ERI1: variants seen among roughly 807,000 people sequenced by gnomAD.
The protein encoded by ERI1 is exoribonuclease 1, also known as 3'-5' exoribonuclease 1.
Under a neutral mutation model 39.7 loss-of-function variants are expected in ERI1, and 39 were observed. The ratio of observed to expected loss-of-function variants is 0.98; its 90% CI spans 0.76 to 1.28. The LOEUF is 1.28. ERI1 is among the 50% of genes most tolerant of loss of function. The pLI, the probability that ERI1 is intolerant of heterozygous loss-of-function variation, is 0.00. For missense variants in ERI1, 581 were observed against 416.9 expected (o/e 1.39, Z -3.43); for synonymous variants, 204 against 149.6 (o/e 1.36, Z -2.65).
At chr8:9,062,516 G>T (rs1319725927) in intron 3 of ERI1, among the ~76,000 whole-genome samples, 1 of 148,044 alleles carries the variant, frequency 6.8e-6, no homozygotes, top group Non-Finnish European at 1.5e-5. Flanking sequence ...TTAGAAGCCT[G>T]GCTGTCAATA....
intron 2 of ERI1, 125 bp downstream of exon 2, chr8:9,008,273 C>G: frequency 2.4e-6 from 2 of 832,572 alleles, no homozygotes; most frequent in Non-Finnish European, 3.5e-6. Flanking sequence ...ATTAACAGTT[C>G]ACAAAAACTA....
intron 3 of ERI1, among the ~76,000 whole-genome samples, chr8:9,080,752 G>A (rs1188083793): frequency 6.6e-6 from 1 of 152,080 alleles, no homozygotes; most frequent in African/African-American, 2.4e-5. Context: ...CTCCCCCAAG[G>A]CACCACTCTC....
At chr8:9,026,464 T>C (rs541862356) in intron 6 of ERI1, among the ~76,000 whole-genome samples, 1 of 152,200 alleles carries the variant, frequency 6.6e-6, no homozygotes, top group African/African-American at 2.4e-5. Context: ...ATACCTCTTA[T>C]AAGTGGAGGC....
chr8:9,089,230 A>C (rs376773431), intron 3 of ERI1, among the ~76,000 whole-genome samples: 15 of 152,324 alleles, frequency 9.8e-5, no homozygotes, highest in African/African-American at 3.6e-4. Context: ...TGATTCTGGC[A>C]TATTCCAGAC....
intron 6 of ERI1, among the ~76,000 whole-genome samples, chr8:9,027,538 A>G (rs1797264564): frequency 6.6e-6 from 1 of 152,146 alleles, no homozygotes. Flanking sequence ...GGTGACATCC[A>G]AGAAATCATT....
At chr8:9,094,254 G>A (rs989375174) in intron 3 of ERI1, among the ~76,000 whole-genome samples, 1 of 152,132 alleles carries the variant, frequency 6.6e-6, no homozygotes, top group Non-Finnish European at 1.5e-5. Flanking sequence ...GAGAATCGTC[G>A]TGGACTCTCA....
At chr8:9,087,404 A>G (rs1192099542) in intron 3 of ERI1, among the ~76,000 whole-genome samples, 1 of 139,724 alleles carries the variant, frequency 7.2e-6, no homozygotes, top group African/African-American at 2.6e-5. Flanking sequence ...ATGTCACCAT[A>G]TGTGGCTATT....
chr8:9,070,275 C>T (rs1799007578), intron 3 of ERI1, among the ~76,000 whole-genome samples: 1 of 151,220 alleles, frequency 6.6e-6, no homozygotes, highest in East Asian at 1.9e-4. Flanking sequence ...ACTAAAAAGA[C>T]TATTAAAAAA....
intron 6 of ERI1, among the ~76,000 whole-genome samples, chr8:9,028,609 A>G (rs931965899): frequency 6.6e-6 from 1 of 152,078 alleles, no homozygotes; most frequent in African/African-American, 2.4e-5. Flanking sequence ...TAGAAATATG[A>G]AGAAAATATA....
chr8:9,021,575 A>G (rs551957171), intron 6 of ERI1, among the ~76,000 whole-genome samples: 2 of 152,284 alleles, frequency 1.3e-5, no homozygotes, highest in African/African-American at 4.8e-5. Context: ...CTATAAAGCA[A>G]ATACCCTTGT....
intron 1 of ERI1, 30 bp downstream of exon 1, chr8:9,003,201 G>T (rs1490109140): frequency 8.2e-7 from 1 of 1,216,966 alleles, no homozygotes; most frequent in Non-Finnish European, 1.0e-6. Flanking sequence ...CTGGCTGTTG[G>T]CGCCAGCTGC....
chr8:9,060,253 T>C (rs1798648219), intron 3 of ERI1, among the ~76,000 whole-genome samples: 1 of 152,170 alleles, frequency 6.6e-6, no homozygotes. Flanking sequence ...GAATTATGTC[T>C]GACAGAAGGG....
chr8:9,046,553 C>G (rs114505016), intron 3 of ERI1, among the ~76,000 whole-genome samples: 117 of 152,284 alleles, frequency 7.7e-4, no homozygotes, highest in African/African-American at 2.6e-3. Flanking sequence ...CCAGTGACTA[C>G]GACTCTTACT....
Position 9,016,397 on chromosome 8 carries a change from A to G in ERI1, c.574A>G (p.Ile192Val). ...TGATTTCTGCATCAGTCTAACTGGAATTACTCAGGTTATAATTCTAAGTTC... is the reference window on the plus strand; with the variant it reads ...TGATTTCTGCATCAGTCTAACTGGAGTTACTCAGGTTATAATTCTAAGTTC... ...LSDFCISLTG[I>V]TQDQVDRADT... is the part of the protein sequence containing the mutation. Residue 192 changes from isoleucine (I) to valine (V), a missense_variant, in exon 4 of 7, where the codon ATT (isoleucine) becomes GTT (valine). Transcript: ENST00000250263. The G allele has an allele frequency of 2.5e-6, 4 of 1,597,616 alleles. No individual in the cohort carries two copies. The highest frequency in any genetic ancestry group is 1.1e-5 in the South Asian group (1 of 89,282).
chr8:9,008,772 G>A (rs1816326248), intron 2 of ERI1, among the ~76,000 whole-genome samples: 1 of 152,104 alleles, frequency 6.6e-6, no homozygotes, highest in Admixed American at 6.5e-5. Context: ...GGCTTTTGGA[G>A]TCCAGAAAAA....
At position 9,003,005 on chromosome 8, in the gene ERI1, C is replaced by A. The variant is rs190452360; in HGVS notation, c.-59C>A. On this transcript the variant is annotated 5_prime_UTR_variant, in exon 1 of 7. Coordinates refer to ENST00000250263, the MANE Select transcript of ERI1 (RefSeq NM_153332.4). ...AGAAAGGCGAGGCTTTCGGGCTCTG[C>A]AGAGTGAGAGTTAGCAAGTGTCCGG... 2.7e-6 allele frequency: 3 copies of A among 1,107,402 alleles called. No homozygotes were observed. The highest frequency in any genetic ancestry group is 1.6e-5 in the African/African-American group (1 of 62,058). 68.6% of individuals were successfully genotyped at this position (1,107,402 alleles called of 1,614,324 possible).
At chr8:9,087,166 C>T (rs963442725) in intron 3 of ERI1, among the ~76,000 whole-genome samples, 1 of 151,986 alleles carries the variant, frequency 6.6e-6, no homozygotes, top group Non-Finnish European at 1.5e-5. Flanking sequence ...GCCCCACATG[C>T]ATCAGGTATT....
intron 3 of ERI1, among the ~76,000 whole-genome samples, chr8:9,072,847 T>G (rs1799098115): frequency 6.6e-6 from 1 of 152,162 alleles, no homozygotes; most frequent in Non-Finnish European, 1.5e-5. Context: ...CCGAGTGTGC[T>G]CGGGTGAACT....
intron 3 of ERI1, among the ~76,000 whole-genome samples, chr8:9,041,604 T>G (rs142684530): frequency 1.3e-5 from 2 of 152,266 alleles, no homozygotes; most frequent in Middle Eastern, 3.4e-3. Context: ...AAAGAAGAAA[T>G]TAAGAATGAG....
Sources: allele counts gnomAD v4.1 joint callset (sites outside exome capture counted in the v4.1 genomes callset), GRCh38; gene constraint gnomAD v4.1.1; transcripts MANE v1.5; gene names NCBI Gene and HGNC (gene_info 2026-07-23, HGNC 2026-07-21).